GSE1: variants seen among roughly 807,000 people sequenced by gnomAD.
GSE1 encodes genetic suppressor element 1.
A neutral mutation model predicts 112.6 loss-of-function variants in GSE1; 32 were observed. The ratio of observed to expected loss-of-function variants is 0.28; its 90% confidence interval spans 0.21 to 0.38. The LOEUF is 0.38. GSE1 is among the 10% of genes least tolerant of loss of function. The probability of loss-of-function intolerance (pLI) is 1.00; values close to 1 mark genes in which losing one functional copy is unlikely to be tolerated. For synonymous variants in GSE1, 1,115 were observed against 735.6 expected (o/e 1.52, Z -8.35); for missense variants, 2,348 against 1,699.2 (o/e 1.38, Z -6.71).
chr16:85,348,243 C>T (rs1182607367), intron 1 of GSE1, among the ~76,000 whole-genome samples: 1 of 152,074 alleles, frequency 6.6e-6, no homozygotes, highest in Admixed American at 6.5e-5. Flanking sequence ...GTCCATCATC[C>T]ATCCATCCAT....
At chr16:85,477,751 G>A (rs373762833) in intron 2 of GSE1, among the ~76,000 whole-genome samples, 2 of 151,694 alleles carry the variant, frequency 1.3e-5, no homozygotes, top group Non-Finnish European at 1.5e-5. Flanking sequence ...TAGTAGAGAC[G>A]GGGTTTCACT....
chr16:85,212,957 G>A lies in GSE1; in HGVS notation c.2283+41150G>A, dbSNP rs1022158024. On this transcript the variant is annotated intron_variant, in intron 1 of 2. Transcript: ENST00000637419. ...AGCCTGGGCAACATGGCAAGACCCC[G>A]TCTCTACAAAATATTTAAAAGTTAG... 7.2e-5 allele frequency among the ~76,000 whole-genome samples: 11 copies of A among 152,044 alleles called. No homozygotes were observed. The South Asian group carries it at 1.7e-3, about 23-fold the overall frequency.
At chr16:85,230,138 C>T (rs777893279) in intron 1 of GSE1, among the ~76,000 whole-genome samples, 2 of 152,360 alleles carry the variant, frequency 1.3e-5, no homozygotes, top group East Asian at 3.9e-4. Flanking sequence ...GTGGTGCTGT[C>T]TGCATTTTAC....
At chr16:85,326,215 C>A (rs574052070) in intron 1 of GSE1, among the ~76,000 whole-genome samples, 1 of 151,912 alleles carries the variant, frequency 6.6e-6, no homozygotes, top group South Asian at 2.1e-4. Context: ...CTGGGAGGGG[C>A]GGTTAAGCCT....
intron 2 of GSE1, among the ~76,000 whole-genome samples, chr16:85,425,728 C>T (rs1358030201): frequency 2.0e-5 from 3 of 152,170 alleles, no homozygotes; most frequent in Non-Finnish European, 4.4e-5. Flanking sequence ...GACCACTTAC[C>T]ACTAGGAAGA....
exon 1 of GSE1, chr16:85,170,889 C>G: frequency 1.0e-6 from 1 of 985,524 alleles, no homozygotes; most frequent in Non-Finnish European, 1.2e-6. Flanking sequence ...TGGACAGCCA[C>G]GCCCCCGGCA....
At chr16:85,630,027 G>C (rs985737292) in intron 1 of GSE1, among the ~76,000 whole-genome samples, 1 of 152,188 alleles carries the variant, frequency 6.6e-6, no homozygotes, top group Non-Finnish European at 1.5e-5. Context: ...CTGGGGCTGC[G>C]GTCTCATCAG....
intron 2 of GSE1, among the ~76,000 whole-genome samples, chr16:85,397,286 G>A (rs1479233088): frequency 6.6e-6 from 1 of 152,222 alleles, no homozygotes; most frequent in East Asian, 1.9e-4. Context: ...AGGGCCCAGG[G>A]CCACACAGCA....
intron 1 of GSE1, among the ~76,000 whole-genome samples, chr16:85,579,672 G>A (rs2046370420): frequency 6.6e-6 from 1 of 152,220 alleles, no homozygotes; most frequent in Non-Finnish European, 1.5e-5. Flanking sequence ...TCTCTTCCTA[G>A]TCAGAGTCCT....
At chr16:85,339,232 C>A (rs956979678) in intron 1 of GSE1, among the ~76,000 whole-genome samples, 1 of 152,180 alleles carries the variant, frequency 6.6e-6, no homozygotes, top group African/African-American at 2.4e-5. Context: ...TCCCAGTGAT[C>A]TGTTCTAGAG....
rs2051953038 is a variant in GSE1 at position 85,656,436 on chromosome 16, TGAGCGCGAACGCGAGAAGGAGCGC to T, written c.1088_1111del (p.Arg363_Glu370del). ...CTGACCGCGAGCGGGAGAAGGAACGTGAGCGCGAACGCGAGAAGGAGCGCGAGCAAGAGAAGGAGCGTGAGCGTG... is the reference window on the plus strand; with the variant it reads ...CTGACCGCGAGCGGGAGAAGGAACGTGAGCAAGAGAAGGAGCGTGAGCGTG... On this transcript the variant is annotated inframe_deletion, in exon 7 of 16. Transcript: ENST00000253458. 1 of 1,564,482 alleles carries T rather than the reference TGAGCGCGAACGCGAGAAGGAGCGC, an allele frequency of 6.4e-7. No homozygotes were observed. The highest frequency in any genetic ancestry group is 8.7e-7 in the Non-Finnish European group (1 of 1,150,548).
At chr16:85,476,602 C>A (rs191978621) in intron 2 of GSE1, among the ~76,000 whole-genome samples, 12 of 151,790 alleles carry the variant, frequency 7.9e-5, no homozygotes, top group Admixed American at 4.6e-4. Context: ...GAATGCTGTT[C>A]CTGGCTGACC....
chr16:85,423,291 C>T (rs993644738), intron 2 of GSE1, among the ~76,000 whole-genome samples: 4 of 152,232 alleles, frequency 2.6e-5, no homozygotes, highest in Non-Finnish European at 5.9e-5. Flanking sequence ...AGGCCAGGCC[C>T]TGGGTCAGGC....
At chr16:85,519,719 T>TCATCAC (rs995661550) in intron 2 of GSE1, among the ~76,000 whole-genome samples, 6 of 138,226 alleles carry the variant, frequency 4.3e-5, no homozygotes, top group African/African-American at 2.8e-5. Context: ...ACTGTCATCA[T>TCATCAC]CATCACCATC....
chr16:85,358,671 TTGTG>T (rs1428960460), intron 2 of GSE1, among the ~76,000 whole-genome samples: 1 of 152,072 alleles, frequency 6.6e-6, no homozygotes, highest in Non-Finnish European at 1.5e-5. Flanking sequence ...CTCTTTCTCT[TTGTG>T]TGGTAGGCTC....
intron 2 of GSE1, among the ~76,000 whole-genome samples, chr16:85,404,799 G>A (rs1222128803): frequency 3.7e-5 from 1 of 27,168 alleles, no homozygotes; most frequent in Non-Finnish European, 6.1e-5. Context: ...GGGCCCCCCT[G>A]GATAATCCTC....
At chr16:85,566,656 G>C (rs2045761001) in intron 1 of GSE1, among the ~76,000 whole-genome samples, 1 of 152,212 alleles carries the variant, frequency 6.6e-6, no homozygotes, top group African/African-American at 2.4e-5. Context: ...AGACTCTGGG[G>C]CCTTTGAACC....
chr16:85,483,547 C>T (rs1445144742), intron 2 of GSE1, among the ~76,000 whole-genome samples: 4 of 152,266 alleles, frequency 2.6e-5, no homozygotes, highest in Non-Finnish European at 5.9e-5. Context: ...GTTTCTGCTC[C>T]CTTCTCTTCC....
chr16:85,307,070 G>C (rs114280915), intron 1 of GSE1, among the ~76,000 whole-genome samples: 1 of 147,074 alleles, frequency 6.8e-6, no homozygotes, highest in Non-Finnish European at 1.5e-5. Context: ...CAGCAGCTGA[G>C]TTTGGGCAGA....
Sources: allele counts gnomAD v4.1 joint callset (sites outside exome capture counted in the v4.1 genomes callset), GRCh38; gene constraint gnomAD v4.1.1; transcripts MANE v1.5; gene names NCBI Gene and HGNC (gene_info 2026-07-23, HGNC 2026-07-21).